The following KRT75 variants were observed in gnomAD, a reference collection of about 807,000 sequenced individuals.
KRT75 encodes the protein keratin 75.
In KRT75, 35 loss-of-function variants were observed where a neutral mutation model predicts 48.8. That is an observed-to-expected ratio of 0.72 (90% CI 0.55 to 0.95). KRT75 has a LOEUF of 0.95. KRT75 is among the 40% of genes least tolerant of loss of function. KRT75 has a pLI of 0.00. For missense variants in KRT75, 776 were observed against 709.9 expected, an observed-to-expected ratio of 1.09 and a Z score of -1.06; for synonymous variants, 301 against 282.3, an observed-to-expected ratio of 1.07 and a Z score of -0.66.
At chr12:52,426,694 A>G in intron 8 of KRT75, 123 bp downstream of exon 8, 1 of 1,026,772 alleles carries the variant, frequency 9.7e-7, no homozygotes, top group Admixed American at 1.7e-5. Context: ...ACCTTCTCCA[A>G]ATGAACGCTG....
At chr12:52,426,781 A>G (rs1313887812) in intron 8 of KRT75, 36 bp downstream of exon 8, 2 of 1,609,994 alleles carry the variant, frequency 1.2e-6, no homozygotes, top group Admixed American at 3.3e-5. Flanking sequence ...TCTACCACAC[A>G]CACTCCAAAT....
rs533750643 is a variant in KRT75, at chr12:52,431,566, A to C, written c.847T>G (p.Phe283Val). 5.0e-5 allele frequency: 80 copies of C among 1,613,094 alleles called. No homozygotes were observed. The South Asian group carries it at 8.2e-4, about 17-fold the overall frequency. Residue 283 changes from phenylalanine (F) to valine (V), a missense_variant, in exon 4 of 9, where the codon TTC (phenylalanine) becomes GTC (valine). Transcript: ENST00000252245. ...ACTGCATCAAAGACTGAGTGGATGA[A>C]GTTGATCTCCTCGGGCAGAGATTTG... is the stretch of plus-strand genomic sequence containing the variant. Reference protein sequence around the residue: ...KVKSLPEEINFIHSVFDAELS... With the variant: ...KVKSLPEEINVIHSVFDAELS...
Position 52,431,583 on chromosome 12 carries a change from A to G in KRT75, c.830T>C (p.Leu277Pro), listed in dbSNP as rs1940144818. 3 of 1,613,734 alleles carry G rather than the reference A, an allele frequency of 1.9e-6. No individual in the cohort carries two copies. In the African/African-American group the frequency reaches 4.0e-5, roughly 22 times the overall value. ...GTGGATGAAGTTGATCTCCTCGGGCAGAGATTTGACCTTGGCTTCCAGCTC... is the reference window on the plus strand; with the variant it reads ...GTGGATGAAGTTGATCTCCTCGGGCGGAGATTTGACCTTGGCTTCCAGCTC... ...KVELEAKVKS[L>P]PEEINFIHSV... Residue 277 changes from leucine (L) to proline (P), a missense_variant, in exon 4 of 9, where the codon CTG becomes CCG. By Grantham distance (98) the Leu-to-Pro change is moderately conservative (BLOSUM62 -3). Coordinates refer to ENST00000252245, the MANE Select transcript of KRT75 (RefSeq NM_004693.3).
chr12:52,432,924 G>A, intron 2 of KRT75, 114 bp downstream of exon 2: 1 of 1,017,004 alleles, frequency 9.8e-7, no homozygotes. Flanking sequence ...GATAAAGGCT[G>A]CAGTTCCAAA....
intron 3 of KRT75, 57 bp downstream of exon 3, chr12:52,431,949 C>T (rs1283986876): frequency 6.4e-7 from 1 of 1,560,702 alleles, no homozygotes; most frequent in Non-Finnish European, 8.8e-7. Context: ...GTCAGGTTAC[C>T]CCACACTCCA....
In KRT75 at chr12:52,430,551, T is replaced by C. The variant is rs1262424256; in HGVS notation, c.1025A>G (p.Tyr342Cys). 1 of 1,614,134 alleles carries C rather than the reference T, an allele frequency of 6.2e-7. No individual in the cohort carries two copies. Among genetic ancestry groups the C allele is most frequent in the East Asian group, 2.2e-5 (1 of 44,874 alleles). ...NRSRAEAESW[Y>C]QTKYEELQVT... ...GGTGTCCATGCTCACCTTGGTCTGG[T>C]ACCAGGACTCAGCCTCGGCCCGGCT... The change falls in exon 5 of 9, where the codon TAC becomes TGC. Residue 342 changes from tyrosine to cysteine, a missense_variant. Transcript: ENST00000252245.
chr12:52,432,876 C>T (rs1364864948), intron 2 of KRT75, among the ~76,000 whole-genome samples, 162 bp downstream of exon 2: 3 of 152,188 alleles, frequency 2.0e-5, no homozygotes, highest in Non-Finnish European at 4.4e-5. Flanking sequence ...GATGAAGGTC[C>T]TTGTGCTACC....
chr12:52,424,166 G>A lies in KRT75; in HGVS notation c.*351C>T. 3 of 395,478 alleles carry A rather than the reference G, an allele frequency of 7.6e-6. No individual in the cohort carries two copies. Among genetic ancestry groups the A allele is most frequent in the South Asian group, 4.5e-5 (2 of 44,352 alleles). 24.5% of individuals were successfully genotyped at this position (395,478 alleles called of 1,614,324 possible). On this transcript the variant is annotated 3_prime_UTR_variant, in exon 9 of 9. Coordinates refer to ENST00000252245, the MANE Select transcript of KRT75 (RefSeq NM_004693.3). Reference sequence around the variant, plus strand: ...CTTATAAACACTATGAGACAGGTGGGTGACAACCTGGCATTGAGAGACTCC... The same window carrying A: ...CTTATAAACACTATGAGACAGGTGGATGACAACCTGGCATTGAGAGACTCC...
At chr12:52,428,065 C>T in intron 7 of KRT75, 191 bp downstream of exon 7, 1 of 713,880 alleles carries the variant, frequency 1.4e-6, no homozygotes, top group Non-Finnish European at 2.4e-6. Flanking sequence ...GGGATGCTAA[C>T]TGTAGTTGCA....
At chr12:52,431,479 T>C in intron 4 of KRT75, 64 bp downstream of exon 4, 1 of 1,151,922 alleles carries the variant, frequency 8.7e-7, no homozygotes, top group Non-Finnish European at 1.3e-6. Context: ...AATGGCACAA[T>C]GCATCATCCT....
chr12:52,424,719 C>T lies in KRT75; in HGVS notation c.1454G>A (p.Ser485Asn), dbSNP rs774229868. 33 of 1,613,874 alleles carry T rather than the reference C, an allele frequency of 2.0e-5. No homozygotes were observed. The East Asian group carries it at 5.3e-4, about 26-fold the overall frequency. The change falls in exon 9 of 9, where the codon AGC becomes AAC. Residue 485 changes from serine (S) to asparagine (N), a missense_variant. Physicochemically the swap from Ser to Asn is conservative, Grantham distance 46. Transcript: ENST00000252245. ...GTTTCCACCTCCAATGCTGCTGCCGCTTCCATAGCCACTGGAAAGAGTAGA... is the reference window on the plus strand; with the variant it reads ...GTTTCCACCTCCAATGCTGCTGCCGTTTCCATAGCCACTGGAAAGAGTAGA... ...VTSTLSSGYGSGSSIGGGNLG... is the reference protein window; with the variant it reads ...VTSTLSSGYGNGSSIGGGNLG...
At chr12:52,425,676 C>T (rs978334528) in intron 8 of KRT75, among the ~76,000 whole-genome samples, 1 of 152,164 alleles carries the variant, frequency 6.6e-6, no homozygotes, top group Non-Finnish European at 1.5e-5. Context: ...GCTGGGCTGC[C>T]CATGCTGCCT....
rs543774978 is a variant in KRT75, at chr12:52,433,655, A to T, written c.498+152T>A. The stretch of plus-strand genomic sequence containing the variant: ...AGGTCCTGTGGGGCAAGCTGGCCTG[A>T]CTTGGAAGGGTCTCAGCCCCTGGGA... On this transcript the variant is annotated intron_variant, in intron 1 of 8. Coordinates refer to ENST00000252245, the MANE Select transcript of KRT75 (RefSeq NM_004693.3). 2.0e-5 allele frequency: 25 copies of T among 1,251,376 alleles called. No individual in the cohort carries two copies. The African/African-American group carries it at 3.1e-4, about 16-fold the overall frequency. 77.5% of individuals were successfully genotyped at this position (1,251,376 alleles called of 1,614,324 possible). A position where few individuals can be genotyped will look rare whatever the true frequency, so the allele number is the denominator to read the frequency against.
rs943849082 is a variant in KRT75 at position 52,431,449 on chromosome 12, G to A, written c.870+94C>T. On this transcript the variant is annotated intron_variant, in intron 4 of 8. Coordinates refer to ENST00000252245, the MANE Select transcript of KRT75 (RefSeq NM_004693.3). ...TTGAAGTATCCAAGCAAGATGCTGGGCAGAGGCACTGAATGAATGAATGGC... is the reference window on the plus strand; with the variant it reads ...TTGAAGTATCCAAGCAAGATGCTGGACAGAGGCACTGAATGAATGAATGGC... 6.5e-5 allele frequency: 63 copies of A among 970,734 alleles called. 1 individual carries two copies. The African/African-American group carries it at 8.8e-4, about 13-fold the overall frequency. The allele number at this position is 970,734 out of a possible 1,614,324, so 60.1% of individuals were successfully genotyped here. A position where few individuals can be genotyped will look rare whatever the true frequency, so the allele number is the denominator to read the frequency against.
chr12:52,430,587 A>G lies in KRT75; in HGVS notation c.989T>C (p.Ile330Thr). The change falls in exon 5 of 9, where the codon ATT (isoleucine) becomes ACT (threonine). Residue 330 changes from isoleucine (I) to threonine (T), a missense_variant. By Grantham distance (89) the Ile-to-Thr change is moderately conservative. Coordinates refer to ENST00000252245, the MANE Select transcript of KRT75 (RefSeq NM_004693.3). ...IAEVKAQYEDIANRSRAEAES... is the reference protein window; with the variant it reads ...IAEVKAQYEDTANRSRAEAES... ...AGCCTCGGCCCGGCTGCGGTTGGCA[A>G]TGTCCTCGTATTGTGCTTTGACCTC... 6.2e-7 allele frequency: 1 copy of G among 1,614,102 alleles called. No individual in the cohort carries two copies.
rs765916845 is a variant in KRT75 at position 52,430,632 on chromosome 12, T to G, written c.944A>C (p.Asp315Ala). ...VLSMDNNRNL[D>A]LDSIIAEVKA... is the part of the protein sequence containing the mutation. ...GACCTCGGCGATGATACTATCCAGGTCCAGGTTGCGGTTGTTGTCCATGGA... is the reference window on the plus strand; with the variant it reads ...GACCTCGGCGATGATACTATCCAGGGCCAGGTTGCGGTTGTTGTCCATGGA... The change falls in exon 5 of 9, where the codon GAC becomes GCC. Residue 315 changes from aspartate (D) to alanine (A), a missense_variant. Physicochemically the swap from Asp to Ala is moderately radical, Grantham distance 126. Coordinates refer to ENST00000252245, the MANE Select transcript of KRT75 (RefSeq NM_004693.3). 23 of 1,614,052 alleles carry G rather than the reference T, an allele frequency of 1.4e-5. No individual in the cohort carries two copies. The South Asian group carries it at 2.3e-4, about 16-fold the overall frequency.
At chr12:52,432,185 A>C in intron 2 of KRT75, 119 bp from the exon 3 acceptor site, 1 of 938,790 alleles carries the variant, frequency 1.1e-6, no homozygotes, top group Non-Finnish European at 1.7e-6. Context: ...TGACCTGGGC[A>C]TGACTTTGGG....
intron 5 of KRT75, among the ~76,000 whole-genome samples, chr12:52,430,035 C>T (rs1940123419): frequency 6.6e-6 from 1 of 152,152 alleles, no homozygotes; most frequent in Non-Finnish European, 1.5e-5. Context: ...TTTTGTCCCT[C>T]ATGGCTTCCC....
At chr12:52,432,996 T>C (rs769040472) in intron 2 of KRT75, 42 bp downstream of exon 2, 1 of 1,598,370 alleles carries the variant, frequency 6.3e-7, no homozygotes, top group South Asian at 1.1e-5. Context: ...CAAAGGAGCC[T>C]TCAGATGGCT....
Sources: allele counts gnomAD v4.1 joint callset (sites outside exome capture counted in the v4.1 genomes callset), GRCh38; gene constraint gnomAD v4.1.1; transcripts MANE v1.5; gene names NCBI Gene and HGNC (gene_info 2026-07-23, HGNC 2026-07-21).